The following MYH11 variants were observed in gnomAD, a reference collection of about 807,000 sequenced individuals.
MYH11 encodes the protein myosin-11.
Under a neutral mutation model 246.6 loss-of-function variants are expected in MYH11, and 80 were observed. The ratio of observed to expected loss-of-function variants is 0.32; its 90% confidence interval spans 0.27 to 0.39. The LOEUF is 0.39. Ranked by LOEUF, MYH11 falls within the 10% of genes least tolerant of loss-of-function variation. The probability of loss-of-function intolerance (pLI) is 1.00; values close to 1 mark genes in which losing one functional copy is unlikely to be tolerated. For missense variants in MYH11, 2,158 were observed against 2,546.8 expected, an observed-to-expected ratio of 0.85 and a Z score of 3.29; for synonymous variants, 1,071 against 1,015.5, an observed-to-expected ratio of 1.05 and a Z score of -1.04.
At chr16:15,748,504 C>T (rs965215099) in intron 16 of MYH11, among the ~76,000 whole-genome samples, 6 of 152,144 alleles carry the variant, frequency 3.9e-5, no homozygotes, top group Non-Finnish European at 5.9e-5. Flanking sequence ...TATCTCCCAA[C>T]CCCCCCACTT....
intron 16 of MYH11, 147 bp downstream of exon 16, chr16:15,749,991 G>A: frequency 2.0e-6 from 2 of 989,184 alleles, no homozygotes; most frequent in Non-Finnish European, 3.0e-6. Flanking sequence ...CAGGGATGGG[G>A]AATGGGTCTG....
intron 33 of MYH11, 76 bp downstream of exon 33, chr16:15,720,763 A>T: frequency 6.7e-7 from 1 of 1,484,800 alleles, no homozygotes; most frequent in Non-Finnish European, 9.4e-7. Flanking sequence ...AAGTTTCCAC[A>T]CCAACCATGA....
chr16:15,796,642 C>T (rs1305514270), intron 4 of MYH11, among the ~76,000 whole-genome samples: 1 of 152,148 alleles, frequency 6.6e-6, no homozygotes, highest in Non-Finnish European at 1.5e-5. Flanking sequence ...ATGGCCTATC[C>T]TCAGAATCTG....
rs1241315328 is a variant in MYH11 at position 15,717,365 on chromosome 16, A to G, written c.5296-17T>C. ...CTGCTCGGCCTGGGGAGGAGAGTGA[A>G]GGCCATGAGGCGGACTCAGGGAAGC... On this transcript the variant is annotated splice_polypyrimidine_tract_variant and intron_variant, in intron 37 of 40. Coordinates refer to ENST00000300036, the MANE Select transcript of MYH11 (RefSeq NM_002474.3). The G allele has an allele frequency of 6.2e-7, 1 of 1,602,884 alleles. No individual in the cohort carries two copies. The highest frequency in any genetic ancestry group is 1.7e-5 in the Admixed American group (1 of 60,014).
intron 2 of MYH11, among the ~76,000 whole-genome samples, chr16:15,823,666 C>T (rs957934248): frequency 2.0e-5 from 3 of 152,086 alleles, no homozygotes; most frequent in Non-Finnish European, 2.9e-5. Context: ...ACTCTGTCAC[C>T]TAGGCTGGAG....
rs2151325633 is a variant in MYH11, at chr16:15,801,486, T to C, written c.503-2799A>G. Among the ~76,000 whole-genome samples the C allele has an allele frequency of 1.3e-5, 2 of 151,222 alleles. 1 individual carries two copies. The highest frequency in any genetic ancestry group is 4.2e-4 in the South Asian group (2 of 4,800). On this transcript the variant is annotated intron_variant, in intron 3 of 40. Coordinates refer to ENST00000300036, the MANE Select transcript of MYH11 (RefSeq NM_002474.3). ...GCCTGGACAACATAGCAAGACCCAGTCTCTACAAAAAAAAATTTTTTTTTA... is the reference window on the plus strand; with the variant it reads ...GCCTGGACAACATAGCAAGACCCAGCCTCTACAAAAAAAAATTTTTTTTTA...
intron 2 of MYH11, 113 bp from the exon 3 acceptor site, chr16:15,823,524 G>C (rs2043473796): frequency 7.4e-7 from 1 of 1,358,474 alleles, no homozygotes; most frequent in Non-Finnish European, 1.1e-6. Context: ...TGGAGTCTTA[G>C]TGGAAACCCT....
At chr16:15,758,820 TG>T (rs1266258481) in intron 12 of MYH11, among the ~76,000 whole-genome samples, 3 of 150,166 alleles carry the variant, frequency 2.0e-5, no homozygotes, top group African/African-American at 7.4e-5. Flanking sequence ...AAAAATTAGC[TG>T]GGCACAGTGG....
chr16:15,758,981 A>G (rs1332675669), intron 12 of MYH11, among the ~76,000 whole-genome samples: 2 of 150,132 alleles, frequency 1.3e-5, no homozygotes, highest in Non-Finnish European at 3.0e-5. Context: ...AAAAAACAAG[A>G]CAAGACAAAA....
At chr16:15,788,576 T>C (rs2042533233) in intron 4 of MYH11, among the ~76,000 whole-genome samples, 1 of 152,092 alleles carries the variant, frequency 6.6e-6, no homozygotes, top group South Asian at 2.1e-4. Flanking sequence ...TGCCCCAAAT[T>C]GCTGTGCCTA....
chr16:15,756,236 C>T, intron 14 of MYH11, 105 bp downstream of exon 14: 1 of 1,304,020 alleles, frequency 7.7e-7, no homozygotes, highest in Non-Finnish European at 1.1e-6. Flanking sequence ...GATGGCTTTG[C>T]AGTTTCCAGG....
At chr16:15,760,518 T>C (rs779289630) in intron 11 of MYH11, 22 bp downstream of exon 11, 1 of 1,534,556 alleles carries the variant, frequency 6.5e-7, no homozygotes, top group Admixed American at 1.7e-5. Context: ...CATGGATGGA[T>C]AAGTGATAAG....
At chr16:15,742,104 C>A in intron 20 of MYH11, 1 of 686,524 alleles carries the variant, frequency 1.5e-6, no homozygotes. Context: ...GCTAAACACC[C>A]TACAGTGCAC....
chr16:15,769,188 C>A (rs947906705), intron 9 of MYH11, among the ~76,000 whole-genome samples: 1 of 152,068 alleles, frequency 6.6e-6, no homozygotes, highest in Non-Finnish European at 1.5e-5. Context: ...TGGTGGTGGG[C>A]GCCTATAATC....
chr16:15,716,942 C>T (rs1596703279), intron 38 of MYH11, among the ~76,000 whole-genome samples, 198 bp downstream of exon 38: 1 of 152,230 alleles, frequency 6.6e-6, no homozygotes, highest in Non-Finnish European at 1.5e-5. Flanking sequence ...ACTTTAGGTG[C>T]TTGCCCTAGG....
At chr16:15,768,335 G>C (rs142787834) in intron 9 of MYH11, among the ~76,000 whole-genome samples, 1 of 151,632 alleles carries the variant, frequency 6.6e-6, no homozygotes, top group Middle Eastern at 3.2e-3. Context: ...GCATGGTGGC[G>C]CATGAGGATA....
chr16:15,714,205 G>C (rs1271503996), intron 40 of MYH11: 2 of 153,778 alleles, frequency 1.3e-5, no homozygotes, highest in Non-Finnish European at 2.9e-5. Flanking sequence ...GCCCTTGGGA[G>C]CAGGGGGGAC....
At chr16:15,806,617 C>G (rs956743964) in intron 3 of MYH11, among the ~76,000 whole-genome samples, 3 of 152,170 alleles carry the variant, frequency 2.0e-5, no homozygotes, top group African/African-American at 7.2e-5. Context: ...AATTATACCG[C>G]ATAAACCTTT....
intron 3 of MYH11, among the ~76,000 whole-genome samples, chr16:15,812,936 G>A (rs1272643347): frequency 6.6e-6 from 1 of 152,290 alleles, no homozygotes; most frequent in Admixed American, 6.5e-5. Flanking sequence ...GAAGGCCAAG[G>A]TGGGTGGATC....
Sources: gnomAD v4.1 joint callset for allele counts (sites outside exome capture counted in the v4.1 genomes callset) on GRCh38, gnomAD v4.1.1 for gene constraint, MANE v1.5 for transcripts, NCBI Gene and HGNC (gene_info 2026-07-23, HGNC 2026-07-21) for gene names.